HDAC4: variants seen among roughly 807,000 people sequenced by gnomAD.
HDAC4 encodes histone deacetylase A.
In HDAC4, 16 loss-of-function variants were observed where a neutral mutation model predicts 135.1. The observed-to-expected ratio is 0.12, with a 90% confidence interval of 0.08 to 0.18. The LOEUF is 0.18. Among genes scored for constraint, HDAC4 ranks in the 10% least tolerant of loss-of-function variants. The pLI, the probability that HDAC4 is intolerant of heterozygous loss-of-function variation, is 1.00. For synonymous variants in HDAC4, 685 were observed against 653.4 expected, an observed-to-expected ratio of 1.05 and a Z score of -0.74; for missense variants, 1,143 against 1,511.8, an observed-to-expected ratio of 0.76 and a Z score of 4.05.
chr2:239,352,528 T>G lies in HDAC4; in HGVS notation c.22+150A>C, dbSNP rs962299174. On this transcript the variant is annotated intron_variant, in intron 2 of 26. Coordinates refer to ENST00000543185, the MANE Select transcript of HDAC4 (RefSeq NM_001378414.1). This position sits in a 1 kb window ranked among gnomAD's most constrained non-coding sequence, Gnocchi z 4.4. ...CAAGAGGAAGAATAAACCATCCATT[T>G]TGCACTTTGTGCTGTCAAAAACCAA... The G allele has an allele frequency of 9.5e-6, 7 of 733,062 alleles. No individual in the cohort carries two copies. Among genetic ancestry groups the G allele is most frequent in the African/African-American group, 1.8e-5 (1 of 56,340 alleles). 45.4% of individuals were successfully genotyped at this position (733,062 alleles called of 1,614,324 possible). A position where few individuals can be genotyped will look rare whatever the true frequency, so the allele number is the denominator to read the frequency against.
intron 1 of HDAC4, among the ~76,000 whole-genome samples, chr2:239,394,216 A>G (rs1403513403): frequency 4.6e-5 from 7 of 152,214 alleles, no homozygotes; most frequent in African/African-American, 1.7e-4. Context: ...CAGCAAAAGC[A>G]CTTGACTCAC....
At chr2:239,082,865 C>CG (rs1559390305) in intron 20 of HDAC4, among the ~76,000 whole-genome samples, 1 of 152,244 alleles carries the variant, frequency 6.6e-6, no homozygotes, top group Non-Finnish European at 1.5e-5. Flanking sequence ...TGTTCTGCCC[C>CG]GGGCCACAGG....
chr2:239,247,460 C>T (rs1004417601), intron 2 of HDAC4, among the ~76,000 whole-genome samples: 4 of 152,202 alleles, frequency 2.6e-5, no homozygotes, highest in Non-Finnish European at 4.4e-5. Flanking sequence ...ACAGTACGTG[C>T]GGGGCGAGAG....
At chr2:239,192,191 G>A (rs1322501823) in intron 3 of HDAC4, among the ~76,000 whole-genome samples, 1 of 113,310 alleles carries the variant, frequency 8.8e-6, no homozygotes, top group East Asian at 2.7e-4. Flanking sequence ...ACATGGGTGA[G>A]GACTGTTCCA....
In HDAC4 at chr2:239,359,659, T is replaced by C. The variant is rs564860504; in HGVS notation, c.-219-6741A>G. Among the ~76,000 whole-genome samples the C allele has an allele frequency of 4.6e-5, 7 of 152,278 alleles. No homozygotes were observed. In the South Asian group the frequency reaches 1.4e-3, roughly 32 times the overall value. ...TCACATACTCAGCCTTCGGGTCACC[T>C]TTTCAGCCAGAAATGGTCATTCCCT... On this transcript the variant is annotated intron_variant, in intron 1 of 26. Transcript: ENST00000543185.
At position 239,126,785 on chromosome 2, in the gene HDAC4, C is replaced by T. The variant is rs35504237; in HGVS notation, c.1295-91G>A. On this transcript the variant is annotated intron_variant, in intron 11 of 26. Transcript: ENST00000543185. ...ATTGAGTAAGTGATGGAGACAACTG[C>T]GCCCTGTGCCCGCCAGCCCAGGCGT... is the stretch of plus-strand genomic sequence containing the variant. The T allele has an allele frequency of 0.16, 221,847 of 1,373,610 alleles. 20,192 individuals carry two copies. Among genetic ancestry groups the T allele is most frequent in the Admixed American group, 0.2 (10,935 of 55,030 alleles). The allele number at this position is 1,373,610 out of a possible 1,614,324, so 85.1% of individuals were successfully genotyped here.
chr2:239,239,098 A>G (rs1490477840), intron 2 of HDAC4, among the ~76,000 whole-genome samples: 2 of 152,156 alleles, frequency 1.3e-5, no homozygotes, highest in Non-Finnish European at 1.5e-5. Context: ...TGGGCGTCCA[A>G]TGATCCAGTT....
intron 5 of HDAC4, among the ~76,000 whole-genome samples, chr2:239,169,432 G>A (rs1019129197): frequency 1.3e-5 from 2 of 152,224 alleles, no homozygotes; most frequent in Non-Finnish European, 2.9e-5. Context: ...CTCCCACGGG[G>A]ACCGCGTGCT....
intron 2 of HDAC4, among the ~76,000 whole-genome samples, chr2:239,337,562 G>C (rs1257576322): frequency 2.6e-5 from 4 of 152,168 alleles, no homozygotes. Flanking sequence ...TTATAGCGAT[G>C]AGCAACCGAG....
chr2:239,335,860 G>A (rs1691902143), intron 2 of HDAC4, among the ~76,000 whole-genome samples: 1 of 152,206 alleles, frequency 6.6e-6, no homozygotes, highest in Non-Finnish European at 1.5e-5. Flanking sequence ...CAATCAATTT[G>A]AAGAACTGTT....
At chr2:239,151,535 T>C (rs891864142) in intron 7 of HDAC4, among the ~76,000 whole-genome samples, 6 of 151,990 alleles carry the variant, frequency 3.9e-5, no homozygotes, top group African/African-American at 1.5e-4. Context: ...CAGAGCTAGA[T>C]GAACACTTTT....
intron 3 of HDAC4, among the ~76,000 whole-genome samples, chr2:239,228,383 C>G (rs903638745): frequency 7.0e-6 from 1 of 142,078 alleles, no homozygotes; most frequent in Non-Finnish European, 1.5e-5. Context: ...TGAGCCGGAA[C>G]GGGATGGCAG....
At chr2:239,211,065 A>ATT (rs982482987) in intron 3 of HDAC4, among the ~76,000 whole-genome samples, 1 of 152,176 alleles carries the variant, frequency 6.6e-6, no homozygotes, top group African/African-American at 2.4e-5. Flanking sequence ...GGATGAAGCA[A>ATT]TCTTAAACGT....
chr2:239,162,160 A>C (rs1353192918), intron 6 of HDAC4: 2 of 456,728 alleles, frequency 4.4e-6, no homozygotes, highest in East Asian at 1.4e-4. Flanking sequence ...CTCCCGCTGC[A>C]GCCTCCCAGA....
chr2:239,332,933 C>T lies in HDAC4; in HGVS notation c.22+19745G>A, dbSNP rs184486754. Among the ~76,000 whole-genome samples, 13 of 152,170 alleles carry T rather than the reference C, an allele frequency of 8.5e-5. No homozygotes were observed. In the East Asian group the frequency reaches 2.3e-3, roughly 27 times the overall value. Reference sequence around the variant, plus strand: ...AGATAATGAGAAGGTATTTAAACAACTTTATTTCAATACATTTGAAGATGC... The same window carrying T: ...AGATAATGAGAAGGTATTTAAACAATTTTATTTCAATACATTTGAAGATGC... On this transcript the variant is annotated intron_variant, in intron 2 of 26. Coordinates refer to ENST00000543185, the MANE Select transcript of HDAC4 (RefSeq NM_001378414.1).
chr2:239,231,941 T>C (rs79615686), intron 3 of HDAC4, among the ~76,000 whole-genome samples: 36 of 127,294 alleles, frequency 2.8e-4, no homozygotes, highest in Middle Eastern at 3.8e-3. Context: ...CTCTCCTCAA[T>C]CGAGGCTGCT....
chr2:239,273,583 C>T (rs1487086528), intron 2 of HDAC4, among the ~76,000 whole-genome samples: 2 of 152,178 alleles, frequency 1.3e-5, no homozygotes, highest in East Asian at 3.9e-4. Flanking sequence ...ACCCGCTCAT[C>T]ACCCAGCAGA....
At chr2:239,216,112 G>A (rs2046618244) in intron 3 of HDAC4, among the ~76,000 whole-genome samples, 1 of 151,864 alleles carries the variant, frequency 6.6e-6, no homozygotes, top group South Asian at 2.1e-4. Context: ...ATTTTAATTA[G>A]GGCCATATTA....
Position 239,054,813 on chromosome 2 carries a change from C to T in HDAC4, c.3024G>A (p.Lys1008=), listed in dbSNP as rs183976738. 7.8e-5 allele frequency: 125 copies of T among 1,612,310 alleles called. No homozygotes were observed. Among genetic ancestry groups the T allele is most frequent in the Non-Finnish European group, 1.0e-5 (12 of 1,178,372 alleles). ...LGNELDPLPE[K]VLQQRPNANA... is the part of the protein sequence containing the mutation. ...TTGCATTGGGTCTTTGCTGTAAAAC[C>T]TTTTCTGGGAGAGGATCAAGCTGGA... Residue 1008 remains lysine, a synonymous_variant, in exon 25 of 27, where the codon AAG becomes AAA. Coordinates refer to ENST00000543185, the MANE Select transcript of HDAC4 (RefSeq NM_001378414.1).
Sources: allele counts gnomAD v4.1 joint callset (sites outside exome capture counted in the v4.1 genomes callset), GRCh38; gene constraint gnomAD v4.1.1; non-coding constraint Gnocchi (gnomAD v3.1); transcripts MANE v1.5; gene names NCBI Gene and HGNC (gene_info 2026-07-23, HGNC 2026-07-21).